The following SLC16A14 variants were observed in gnomAD, a reference collection of about 807,000 sequenced individuals.
SLC16A14 encodes the protein solute carrier family 16 member 14, also known as monocarboxylate transporter 14.
Under a neutral mutation model 35.8 loss-of-function variants are expected in SLC16A14, and 14 were observed. The observed-to-expected ratio is 0.39, with a 90% CI of 0.26 to 0.61. The LOEUF is 0.61. Among genes scored for constraint, SLC16A14 ranks in the 20% least tolerant of loss-of-function variants. SLC16A14 has a pLI of 0.51. For synonymous variants in SLC16A14, 248 were observed against 258.9 expected (o/e 0.96, Z 0.40); for missense variants, 533 against 655.0 (o/e 0.81, Z 2.03).
chr2:230,035,533 G>A lies in SLC16A14; in HGVS notation c.*1847C>T, dbSNP rs1248531717. The stretch of plus-strand genomic sequence containing the variant: ...AATTCTATGGTAAATTACACAGAGA[G>A]AGATAGAGGAGGGAGCATTGCCTCA... On this transcript the variant is annotated 3_prime_UTR_variant, in exon 5 of 5. Coordinates refer to ENST00000295190, the MANE Select transcript of SLC16A14 (RefSeq NM_152527.5). The A allele has an allele frequency of 6.6e-6, 1 of 152,614 alleles. No individual in the cohort carries two copies. 9.5% of individuals were successfully genotyped at this position (152,614 alleles called of 1,614,324 possible). A position where few individuals can be genotyped will look rare whatever the true frequency, so the allele number is the denominator to read the frequency against.
At chr2:230,039,463 A>G (rs533669694) in intron 4 of SLC16A14, among the ~76,000 whole-genome samples, 1 of 152,314 alleles carries the variant, frequency 6.6e-6, no homozygotes, top group South Asian at 2.1e-4. Flanking sequence ...ATTGAATTGG[A>G]AAGGCACATT....
chr2:230,053,892 G>A (rs753617807), intron 2 of SLC16A14, among the ~76,000 whole-genome samples: 19 of 152,180 alleles, frequency 1.2e-4, no homozygotes, highest in Admixed American at 3.9e-4. Context: ...AGCAATCACA[G>A]GTGAGCCTTG....
At chr2:230,039,445 G>C (rs553494213) in intron 4 of SLC16A14, among the ~76,000 whole-genome samples, 2 of 152,128 alleles carry the variant, frequency 1.3e-5, no homozygotes, top group South Asian at 4.1e-4. Flanking sequence ...TAATGCTTCA[G>C]CTTCAGAATT....
At chr2:230,040,742 T>C (rs767141280) in intron 4 of SLC16A14, among the ~76,000 whole-genome samples, 54 of 152,292 alleles carry the variant, frequency 3.5e-4, no homozygotes, top group Admixed American at 6.5e-4. Flanking sequence ...TTTTCTCCAA[T>C]CCACCTTTAG....
chr2:230,048,458 T>C (rs2077627186), intron 3 of SLC16A14, among the ~76,000 whole-genome samples: 1 of 152,254 alleles, frequency 6.6e-6, no homozygotes, highest in African/African-American at 2.4e-5. Context: ...TAAAGGAAAT[T>C]GTGGCTGGGA....
intron 2 of SLC16A14, among the ~76,000 whole-genome samples, chr2:230,056,277 C>T (rs1440559112): frequency 4.9e-5 from 6 of 121,688 alleles, no homozygotes; most frequent in East Asian, 2.5e-4. Flanking sequence ...TTTTTTGAGA[C>T]GTAGTCTCAC....
At position 230,045,951 on chromosome 2, in the gene SLC16A14, A is replaced by T; in HGVS notation, c.1175T>A (p.Leu392His). 1 of 1,613,158 alleles carries T rather than the reference A, an allele frequency of 6.2e-7. No individual in the cohort carries two copies. Among genetic ancestry groups the T allele is most frequent in the Non-Finnish European group, 8.5e-7 (1 of 1,179,096 alleles). The change falls in exon 4 of 5, where the codon CTT becomes CAT. Residue 392 changes from leucine to histidine, a missense_variant. Leu to His is a moderately conservative substitution (Grantham distance 99). Coordinates refer to ENST00000295190, the MANE Select transcript of SLC16A14 (RefSeq NM_152527.5). ...CGGCAGAATAAAAATACTGAGGACA[A>T]GGGTGAAGTTGGCCAACAGGAAGAC... ...WNVFLLANFT[L>H]VLSIFILPLM... is the part of the protein sequence containing the mutation.
chr2:230,045,479 G>C (rs919944099), intron 4 of SLC16A14, among the ~76,000 whole-genome samples: 2 of 152,108 alleles, frequency 1.3e-5, no homozygotes, highest in African/African-American at 4.8e-5. Context: ...AGAATCACTT[G>C]AACCTGGGAG....
intron 1 of SLC16A14, among the ~76,000 whole-genome samples, chr2:230,062,791 A>T (rs1352820847): frequency 6.6e-6 from 1 of 152,100 alleles, no homozygotes; most frequent in East Asian, 1.9e-4. Flanking sequence ...CTGTCTGGGG[A>T]TCATCTTCTT....
At chr2:230,054,815 A>T (rs2077691650) in intron 2 of SLC16A14, among the ~76,000 whole-genome samples, 1 of 151,948 alleles carries the variant, frequency 6.6e-6, no homozygotes, top group South Asian at 2.1e-4. Context: ...GAATCGCTGG[A>T]ACCCAGGAGG....
At chr2:230,055,233 C>T (rs2077695213) in intron 2 of SLC16A14, among the ~76,000 whole-genome samples, 1 of 151,754 alleles carries the variant, frequency 6.6e-6, no homozygotes, top group Non-Finnish European at 1.5e-5. Flanking sequence ...AGATCATGTA[C>T]ATTAACGTGC....
At chr2:230,041,716 T>C (rs549683560) in intron 4 of SLC16A14, among the ~76,000 whole-genome samples, 1 of 152,192 alleles carries the variant, frequency 6.6e-6, no homozygotes, top group African/African-American at 2.4e-5. Flanking sequence ...CTGAATGACA[T>C]GGTTGAAATG....
chr2:230,040,932 T>G (rs535123105), intron 4 of SLC16A14, among the ~76,000 whole-genome samples: 1 of 152,284 alleles, frequency 6.6e-6, no homozygotes, highest in South Asian at 2.1e-4. Flanking sequence ...AGAGAGTTCC[T>G]ACAAGCTGCC....
intron 4 of SLC16A14, 101 bp downstream of exon 4, chr2:230,045,644 A>G: frequency 7.5e-7 from 1 of 1,332,538 alleles, no homozygotes; most frequent in Non-Finnish European, 1.1e-6. Flanking sequence ...GATAAAAGGA[A>G]AATGTACACA....
intron 2 of SLC16A14, among the ~76,000 whole-genome samples, chr2:230,053,744 G>A (rs1374466475): frequency 6.6e-6 from 1 of 152,150 alleles, no homozygotes; most frequent in African/African-American, 2.4e-5. Context: ...TCGCACCACC[G>A]CACTCCAGCC....
In SLC16A14 at chr2:230,046,700, G is replaced by C; in HGVS notation, c.426C>G (p.Tyr142Ter). The C allele has an allele frequency of 1.2e-6, 2 of 1,600,294 alleles. No individual in the cohort carries two copies. Among genetic ancestry groups the C allele is most frequent in the Non-Finnish European group, 1.7e-6 (2 of 1,179,812 alleles). ...VAAGLGSGMAYLPAVVMVGRY... is the reference protein window; with the variant it reads ...VAAGLGSGMA ...TGCCCACCATGACCACCGCTGGCAG[G>C]TAGGCCATCCCGCTGCCCAGGCCTG... Residue 142 changes from tyrosine (Y) to a stop codon, truncating the protein, a stop_gained, in exon 4 of 5, where the codon TAC becomes TAG. Coordinates refer to ENST00000295190, the MANE Select transcript of SLC16A14 (RefSeq NM_152527.5). LOFTEE classifies it high-confidence loss of function. The surrounding 1 kb of genome is among the most constrained non-coding windows in gnomAD (Gnocchi z 5.0).
At chr2:230,056,170 C>A (rs1404745479) in intron 2 of SLC16A14, among the ~76,000 whole-genome samples, 1 of 152,104 alleles carries the variant, frequency 6.6e-6, no homozygotes, top group African/African-American at 2.4e-5. Flanking sequence ...CACACTTGCA[C>A]ACACATGTGC....
intron 1 of SLC16A14, among the ~76,000 whole-genome samples, chr2:230,060,159 T>A (rs2077740029): frequency 2.6e-5 from 4 of 152,160 alleles, no homozygotes; most frequent in Admixed American, 2.6e-4. Context: ...GGTGAGGTTA[T>A]CAGGTAGGCA....
chr2:230,037,611 C>T, intron 4 of SLC16A14, 80 bp from the exon 5 acceptor site: 1 of 1,161,300 alleles, frequency 8.6e-7, no homozygotes, highest in Non-Finnish European at 1.2e-6. Flanking sequence ...GCATTTATTG[C>T]TGCTGTACAT....
Sources: allele counts gnomAD v4.1 joint callset (sites outside exome capture counted in the v4.1 genomes callset), GRCh38; gene constraint gnomAD v4.1.1; non-coding constraint Gnocchi (gnomAD v3.1); transcripts MANE v1.5; gene names NCBI Gene and HGNC (gene_info 2026-07-23, HGNC 2026-07-21).